Variants in KIAA0825 observed in about 807,000 individuals in gnomAD.
KIAA0825 encodes the protein uncharacterized protein KIAA0825.
A neutral mutation model predicts 147.6 loss-of-function variants in KIAA0825; 119 were observed. That is an observed-to-expected ratio of 0.81 (90% CI 0.69 to 0.94). The LOEUF (loss-of-function observed/expected upper bound fraction) is 0.94. Among genes scored for constraint, KIAA0825 ranks in the 40% least tolerant of loss-of-function variants. The pLI, the probability that KIAA0825 is intolerant of heterozygous loss-of-function variation, is 0.00. For synonymous variants in KIAA0825, 470 were observed against 518.1 expected (o/e 0.91, Z 1.26); for missense variants, 1,381 against 1,472.7 (o/e 0.94, Z 1.02).
intron 20 of KIAA0825, among the ~76,000 whole-genome samples, chr5:94,231,790 A>C (rs1198773448): frequency 6.6e-6 from 1 of 152,154 alleles, no homozygotes; most frequent in Non-Finnish European, 1.5e-5. Flanking sequence ...AGATAATTCA[A>C]ATAATATATT....
At chr5:94,474,915 C>T (rs773175582) in intron 7 of KIAA0825, among the ~76,000 whole-genome samples, 33 of 152,200 alleles carry the variant, frequency 2.2e-4, no homozygotes, top group South Asian at 8.3e-4. Flanking sequence ...CGGTGAAACC[C>T]GGTCTCTACT....
In KIAA0825 at chr5:94,520,839, C is replaced by A; in HGVS notation, c.379G>T (p.Val127Phe). ...LLWDLSCHSSVSFPSTLSGTS... is the reference protein window; with the variant it reads ...LLWDLSCHSSFSFPSTLSGTS... ...CCACTTAGGGTTGATGGGAATGAAA[C>A]GCTGCTGTGGCAGGAGAGGTCCCAA... Residue 127 changes from valine to phenylalanine, a missense_variant, in exon 5 of 21, where the codon GTT becomes TTT. Physicochemically the swap from Val to Phe is conservative, Grantham distance 50. Transcript: ENST00000682413. The A allele has an allele frequency of 6.2e-7, 1 of 1,612,936 alleles. No homozygotes were observed. The highest frequency in any genetic ancestry group is 8.5e-7 in the Non-Finnish European group (1 of 1,179,308).
intron 9 of KIAA0825, among the ~76,000 whole-genome samples, chr5:94,470,693 T>G (rs1384598215): frequency 1.3e-5 from 2 of 152,228 alleles, no homozygotes; most frequent in Non-Finnish European, 2.9e-5. Context: ...ATCACAGTTA[T>G]ACCCTACATC....
In KIAA0825 at chr5:94,524,023, A is replaced by G; in HGVS notation, c.207T>C (p.Thr69=). ...QCPGVQLQTT[T]DCFEWLTNYN... The stretch of plus-strand genomic sequence containing the variant: ...AGTTAGTTAGCCATTCAAAGCAGTC[A>G]GTTGTTGTTTGCAGCTGCACACCTG... The change falls in exon 4 of 21, where the codon ACT becomes ACC. Residue 69 remains threonine, a synonymous_variant. Coordinates refer to ENST00000682413, the MANE Select transcript of KIAA0825 (RefSeq NM_001145678.3). 1 of 1,610,264 alleles carries G rather than the reference A, an allele frequency of 6.2e-7. No individual in the cohort carries two copies. The highest frequency in any genetic ancestry group is 8.5e-7 in the Non-Finnish European group (1 of 1,177,372).
chr5:94,272,134 T>TAAAAAAAA (rs1777022615), intron 20 of KIAA0825, among the ~76,000 whole-genome samples: 1 of 92,414 alleles, frequency 1.1e-5, no homozygotes, highest in African/African-American at 4.1e-5. Flanking sequence ...AAAAAAAAAC[T>TAAAAAAAA]AAGACAATTG....
In KIAA0825 at chr5:94,419,468, C is replaced by A. The variant is rs142021183; in HGVS notation, c.2498-2103G>T. Reference sequence around the variant, plus strand: ...GATTGAGGATCAAGAGTTCCACAATCTTTTCCCAAATTATGTTCCAACCCC... The same window carrying A: ...GATTGAGGATCAAGAGTTCCACAATATTTTCCCAAATTATGTTCCAACCCC... On this transcript the variant is annotated intron_variant, in intron 14 of 20. Transcript: ENST00000682413. 6.8e-3 allele frequency among the ~76,000 whole-genome samples: 1,029 copies of A among 152,266 alleles called. 12 individuals are homozygous for A. The highest frequency in any genetic ancestry group is 0.024 in the African/African-American group (998 of 41,550).
At chr5:94,311,028 T>C (rs940441962) in intron 20 of KIAA0825, among the ~76,000 whole-genome samples, 2 of 151,670 alleles carry the variant, frequency 1.3e-5, no homozygotes, top group African/African-American at 4.8e-5. Flanking sequence ...ACTTTTGTTT[T>C]GTAAAATTGT....
At chr5:94,209,258 A>G (rs974739473) in intron 20 of KIAA0825, among the ~76,000 whole-genome samples, 5 of 152,258 alleles carry the variant, frequency 3.3e-5, no homozygotes, top group East Asian at 1.9e-4. Flanking sequence ...AGAAAACCAT[A>G]CTGATAAAAT....
At chr5:94,265,115 G>A (rs1328337376) in intron 20 of KIAA0825, among the ~76,000 whole-genome samples, 5 of 152,014 alleles carry the variant, frequency 3.3e-5, no homozygotes, top group South Asian at 2.1e-4. Context: ...TAGGTTCAGC[G>A]ATATGAAATT....
rs1772756366 is a variant in KIAA0825 at position 94,212,030 on chromosome 5, A to G, written c.3711-57906T>C. 2.6e-5 allele frequency among the ~76,000 whole-genome samples: 4 copies of G among 152,194 alleles called. No individual in the cohort carries two copies. The South Asian group carries it at 8.3e-4, about 32-fold the overall frequency. ...ATACATAGGTGGAATTTGCTAGCCA[A>G]TGGCTGCCTTAATCTATGCTATTTA... On this transcript the variant is annotated intron_variant, in intron 20 of 20. Coordinates refer to ENST00000682413, the MANE Select transcript of KIAA0825 (RefSeq NM_001145678.3).
chr5:94,593,657 T>G (rs961623887), intron 1 of KIAA0825: 1 of 427,196 alleles, frequency 2.3e-6, no homozygotes, highest in East Asian at 5.0e-5. Flanking sequence ...ATGGAAGATA[T>G]AGAAAGCAGA....
chr5:94,250,936 G>A lies in KIAA0825; in HGVS notation c.3711-96812C>T, dbSNP rs372998755. ...TGTTTTATTCAGCATGGCAGGTTAGGAATCCCCGTGAAGCTACACTGAAGT... is the reference window on the plus strand; with the variant it reads ...TGTTTTATTCAGCATGGCAGGTTAGAAATCCCCGTGAAGCTACACTGAAGT... On this transcript the variant is annotated intron_variant, in intron 20 of 20. Transcript: ENST00000682413. Among the ~76,000 whole-genome samples, 217 of 152,172 alleles carry A rather than the reference G, an allele frequency of 1.4e-3. 1 individual carries two copies. Among genetic ancestry groups the A allele is most frequent in the African/African-American group, 4.7e-3 (195 of 41,550 alleles).
chr5:94,246,991 TCCTTA>T (rs779480116), intron 20 of KIAA0825, among the ~76,000 whole-genome samples: 6 of 152,194 alleles, frequency 3.9e-5, no homozygotes, highest in Non-Finnish European at 8.8e-5. Flanking sequence ...CTCTTTATTG[TCCTTA>T]CCTTCTTCAT....
intron 2 of KIAA0825, among the ~76,000 whole-genome samples, chr5:94,555,187 A>T (rs1776316922): frequency 6.6e-6 from 1 of 152,080 alleles, no homozygotes; most frequent in South Asian, 2.1e-4. Context: ...TCTTCTCATT[A>T]ATTACTGGGA....
intron 10 of KIAA0825, among the ~76,000 whole-genome samples, chr5:94,465,776 C>T (rs1049743962): frequency 6.6e-6 from 1 of 152,172 alleles, no homozygotes; most frequent in Non-Finnish European, 1.5e-5. Context: ...CACCCCTGTA[C>T]AGATCTCTTC....
chr5:94,437,486 C>T (rs775011649), intron 14 of KIAA0825, among the ~76,000 whole-genome samples: 15 of 152,162 alleles, frequency 9.9e-5, no homozygotes, highest in Non-Finnish European at 1.9e-4. Flanking sequence ...CACTGCTGTA[C>T]TCCATAAGAA....
chr5:94,547,010 A>G (rs1372383910), intron 2 of KIAA0825, among the ~76,000 whole-genome samples: 1 of 151,910 alleles, frequency 6.6e-6, no homozygotes, highest in Non-Finnish European at 1.5e-5. Flanking sequence ...ACTTTAACAA[A>G]GAGATTAAAA....
intron 12 of KIAA0825, among the ~76,000 whole-genome samples, chr5:94,461,984 A>T (rs575400519): frequency 2.1e-4 from 32 of 152,018 alleles, no homozygotes; most frequent in African/African-American, 7.7e-4. Context: ...TATTATTTCT[A>T]TTTCCATTTG....
chr5:94,367,040 A>G (rs1209086531), intron 20 of KIAA0825, among the ~76,000 whole-genome samples: 2 of 152,222 alleles, frequency 1.3e-5, no homozygotes, highest in Non-Finnish European at 2.9e-5. Context: ...CTTTTAAATA[A>G]GGAAGAGGAA....
Sources: gnomAD v4.1 joint callset for allele counts (sites outside exome capture counted in the v4.1 genomes callset) on GRCh38, gnomAD v4.1.1 for gene constraint, MANE v1.5 for transcripts, NCBI Gene and HGNC (gene_info 2026-07-23, HGNC 2026-07-21) for gene names.